STK32A: variants seen among roughly 807,000 people sequenced by gnomAD.
The protein encoded by STK32A is serine/threonine-protein kinase 32A.
STK32A carries 41 observed loss-of-function variants against 53.2 expected under a neutral mutation model. The ratio of observed to expected loss-of-function variants is 0.77; its 90% CI spans 0.60 to 1.00. The LOEUF (loss-of-function observed/expected upper bound fraction) is 1.00. Ranked by LOEUF, STK32A falls within the 50% of genes least tolerant of loss-of-function variation. The probability of loss-of-function intolerance (pLI) is 0.00; values close to 1 mark genes in which losing one functional copy is unlikely to be tolerated. For missense variants in STK32A, 458 were observed against 485.8 expected (o/e 0.94, Z 0.54); for synonymous variants, 166 against 162.8 (o/e 1.02, Z -0.15).
intron 6 of STK32A, among the ~76,000 whole-genome samples, chr5:147,350,680 T>TA (rs1229701844): frequency 5.3e-5 from 8 of 151,898 alleles, no homozygotes; most frequent in Admixed American, 2.6e-4. Flanking sequence ...TTTGCCTCTT[T>TA]AAAAAAAATA....
At chr5:147,264,039 A>G (rs1313360787) in intron 2 of STK32A, among the ~76,000 whole-genome samples, 1 of 152,254 alleles carries the variant, frequency 6.6e-6, no homozygotes, top group Non-Finnish European at 1.5e-5. Context: ...AAAGCCTTCA[A>G]ATTCTGAAGG....
intron 4 of STK32A, among the ~76,000 whole-genome samples, chr5:147,305,961 A>G (rs1178762071): frequency 2.0e-5 from 3 of 151,260 alleles, no homozygotes; most frequent in Non-Finnish European, 4.4e-5. Context: ...TTTTCTACAC[A>G]TATTTTGGAA....
intron 2 of STK32A, among the ~76,000 whole-genome samples, chr5:147,256,166 G>A (rs1022052677): frequency 1.5e-4 from 23 of 152,166 alleles, no homozygotes; most frequent in Admixed American, 1.5e-3. Flanking sequence ...AAATTCTTAA[G>A]CTCACTGCAT....
chr5:147,242,981 C>T (rs762652490), intron 2 of STK32A, among the ~76,000 whole-genome samples: 3 of 152,018 alleles, frequency 2.0e-5, no homozygotes, highest in African/African-American at 7.2e-5. Context: ...TTTTGATATC[C>T]ATATTTTTAT....
intron 4 of STK32A, among the ~76,000 whole-genome samples, chr5:147,321,601 A>T (rs540417117): frequency 1.3e-5 from 2 of 152,346 alleles, no homozygotes; most frequent in South Asian, 2.1e-4. Flanking sequence ...TGGCACCTTT[A>T]TCACTTTGTT....
intron 4 of STK32A, among the ~76,000 whole-genome samples, chr5:147,286,796 C>T (rs1262934433): frequency 6.6e-6 from 1 of 152,064 alleles, no homozygotes; most frequent in Non-Finnish European, 1.5e-5. Context: ...TTCCCCTTGT[C>T]CTTGAGGTCA....
rs1321662111 is a variant in STK32A, at chr5:147,242,885, T to A, written c.52+3199T>A. 5.3e-5 allele frequency among the ~76,000 whole-genome samples: 8 copies of A among 152,290 alleles called. No homozygotes were observed. In the East Asian group the frequency reaches 9.6e-4, roughly 18 times the overall value. On this transcript the variant is annotated intron_variant, in intron 2 of 12. Coordinates refer to ENST00000397936, the MANE Select transcript of STK32A (RefSeq NM_001112724.2). Reference sequence around the variant, plus strand: ...AATCTGGATTGAGCACAAGGTAAAATTGTATCTGATTGCTGTGAAGCTCCT... The same window carrying A: ...AATCTGGATTGAGCACAAGGTAAAAATGTATCTGATTGCTGTGAAGCTCCT...
chr5:147,393,886 G>T, the STK32A span: 5 of 780,462 alleles, frequency 6.4e-6, no homozygotes, highest in Admixed American at 5.6e-5. Context: ...GCAAGCGAGC[G>T]TAACATTGGA....
At chr5:147,336,343 C>G (rs1275372397) in intron 5 of STK32A, among the ~76,000 whole-genome samples, 1 of 151,756 alleles carries the variant, frequency 6.6e-6, no homozygotes, top group African/African-American at 2.4e-5. Flanking sequence ...TCATCCCCCA[C>G]CCCTTCCCTC....
At chr5:147,379,851 G>A (rs1486864212) in intron 11 of STK32A, among the ~76,000 whole-genome samples, 1 of 152,064 alleles carries the variant, frequency 6.6e-6, no homozygotes, top group Admixed American at 6.6e-5. Flanking sequence ...AAGATTTTAA[G>A]CGATCATTTC....
At chr5:147,295,321 T>C (rs1010236833) in intron 4 of STK32A, among the ~76,000 whole-genome samples, 1 of 152,244 alleles carries the variant, frequency 6.6e-6, no homozygotes, top group South Asian at 2.1e-4. Context: ...ATTTAGTTTA[T>C]TCATTCTTAA....
chr5:147,387,296 C>T lies in STK32A; in HGVS notation c.*3313C>T, dbSNP rs1342491776. The T allele has an allele frequency of 1.3e-5, 2 of 152,190 alleles. No individual in the cohort carries two copies. Among genetic ancestry groups the T allele is most frequent in the Non-Finnish European group, 2.9e-5 (2 of 68,052 alleles). The allele number at this position is 152,190 out of a possible 1,614,324, so 9.4% of individuals were successfully genotyped here. A position where few individuals can be genotyped will look rare whatever the true frequency, so the allele number is the denominator to read the frequency against. ...CACTGCCATGGTGGCACTGGTTTTG[C>T]CTGAGGTCATTGCTAGGGCAGGAAT... On this transcript the variant is annotated 3_prime_UTR_variant, in exon 13 of 13. Transcript: ENST00000397936.
rs184134339 is a variant in STK32A, at chr5:147,260,420, G to A, written c.53-17704G>A. 2.5e-3 allele frequency among the ~76,000 whole-genome samples: 380 copies of A among 152,012 alleles called. 3 individuals are homozygous for A. Among genetic ancestry groups the A allele is most frequent in the African/African-American group, 8.7e-3 (362 of 41,442 alleles). On this transcript the variant is annotated intron_variant, in intron 2 of 12. Coordinates refer to ENST00000397936, the MANE Select transcript of STK32A (RefSeq NM_001112724.2). ...TCCCCTCTCCTTCCTCTTTCCCTAA[G>A]GGAGCGACCGGTGGGAGTAGAGCTA...
intron 2 of STK32A, among the ~76,000 whole-genome samples, chr5:147,263,202 G>C (rs533578311): frequency 8.0e-4 from 122 of 152,306 alleles, no homozygotes; most frequent in Non-Finnish European, 1.4e-3. Context: ...CCAGTAAAGA[G>C]AACGACAGAA....
chr5:147,254,356 T>G (rs1211836975), intron 2 of STK32A, among the ~76,000 whole-genome samples: 1 of 152,234 alleles, frequency 6.6e-6, no homozygotes, highest in Non-Finnish European at 1.5e-5. Flanking sequence ...TTGGGGCTAA[T>G]AAGGATTATA....
chr5:147,400,689 T>A, the STK32A span: 1 of 1,613,918 alleles, frequency 6.2e-7, no homozygotes, highest in East Asian at 2.2e-5. Flanking sequence ...CTCCATGCCT[T>A]ACCACAGCCT....
rs1019388645 is a variant in STK32A, at chr5:147,245,629, T to C, written c.52+5943T>C. Reference sequence around the variant, plus strand: ...TGAGTAATATGTGTATCCAAGTTTATACAAAGAATGTAAAGGTGATAAAGT... The same window carrying C: ...TGAGTAATATGTGTATCCAAGTTTACACAAAGAATGTAAAGGTGATAAAGT... On this transcript the variant is annotated intron_variant, in intron 2 of 12. Transcript: ENST00000397936. 2.0e-5 allele frequency among the ~76,000 whole-genome samples: 3 copies of C among 152,210 alleles called. No individual in the cohort carries two copies. The East Asian group carries it at 5.8e-4, about 29-fold the overall frequency.
intron 4 of STK32A, among the ~76,000 whole-genome samples, chr5:147,293,491 A>G (rs1453371748): frequency 6.7e-6 from 1 of 149,096 alleles, no homozygotes; most frequent in Non-Finnish European, 1.5e-5. Context: ...AAAAAAAAAA[A>G]AAAAAAAAAA....
At chr5:147,370,568 T>G (rs1672840180) in intron 8 of STK32A, 86 bp from the exon 9 acceptor site, 5 of 805,432 alleles carry the variant, frequency 6.2e-6, no homozygotes, top group Non-Finnish European at 1.0e-5. Flanking sequence ...TTTTATCGGT[T>G]GAAAGTTTAG....
Sources: allele counts gnomAD v4.1 joint callset (sites outside exome capture counted in the v4.1 genomes callset), GRCh38; gene constraint gnomAD v4.1.1; transcripts MANE v1.5; gene names NCBI Gene and HGNC (gene_info 2026-07-23, HGNC 2026-07-21).